ALOX5: variants seen among roughly 807,000 people sequenced by gnomAD.
ALOX5 encodes the protein polyunsaturated fatty acid 5-lipoxygenase.
In ALOX5, 64 loss-of-function variants were observed where a neutral mutation model predicts 87.9. The observed-to-expected ratio is 0.73, with a 90% CI of 0.60 to 0.90. The LOEUF (loss-of-function observed/expected upper bound fraction) is 0.90. Among genes scored for constraint, ALOX5 ranks in the 40% least tolerant of loss-of-function variants. The pLI is 0.00. For missense variants in ALOX5, 822 were observed against 907.5 expected (o/e 0.91, Z 1.21); for synonymous variants, 388 against 355.1 (o/e 1.09, Z -1.04).
At chr10:45,376,856 G>A (rs1839632969) in intron 1 of ALOX5, among the ~76,000 whole-genome samples, 1 of 152,138 alleles carries the variant, frequency 6.6e-6, no homozygotes, top group Admixed American at 6.5e-5. Flanking sequence ...TCCTATAAAC[G>A]GTTGTGTCTT....
chr10:45,415,645 C>G (rs890652920), intron 4 of ALOX5, among the ~76,000 whole-genome samples: 2 of 152,028 alleles, frequency 1.3e-5, no homozygotes, highest in African/African-American at 4.8e-5. Context: ...TGGACTGTGC[C>G]TTTTTCCGAA....
intron 2 of ALOX5, among the ~76,000 whole-genome samples, chr10:45,387,724 G>T (rs1201474076): frequency 1.3e-5 from 2 of 152,254 alleles, no homozygotes; most frequent in Non-Finnish European, 2.9e-5. Context: ...TGCTGAGTGA[G>T]TGGGCAAGAG....
At chr10:45,391,047 C>G (rs1252567329) in intron 2 of ALOX5, among the ~76,000 whole-genome samples, 1 of 121,252 alleles carries the variant, frequency 8.2e-6, no homozygotes, top group Non-Finnish European at 1.7e-5. Context: ...CCCATCTCCC[C>G]TCTCCCCTCT....
intron 7 of ALOX5, among the ~76,000 whole-genome samples, chr10:45,435,408 C>A (rs1186792371): frequency 6.6e-6 from 1 of 152,042 alleles, no homozygotes; most frequent in African/African-American, 2.4e-5. Flanking sequence ...AGTTTTTCAA[C>A]CCTTTCCTCC....
intron 4 of ALOX5, among the ~76,000 whole-genome samples, chr10:45,421,164 CTG>C (rs1841493505): frequency 6.6e-6 from 1 of 152,258 alleles, no homozygotes; most frequent in Non-Finnish European, 1.5e-5. Context: ...TTCCAGTTAT[CTG>C]TAAGGATATA....
At chr10:45,430,440 G>A (rs182719940) in intron 7 of ALOX5, among the ~76,000 whole-genome samples, 2 of 151,906 alleles carry the variant, frequency 1.3e-5, no homozygotes, top group East Asian at 3.9e-4. Flanking sequence ...AAAAAAAAAT[G>A]CAAGATTCGG....
chr10:45,397,144 AG>A (rs1295522781), intron 3 of ALOX5, among the ~76,000 whole-genome samples: 1 of 152,224 alleles, frequency 6.6e-6, no homozygotes, highest in Non-Finnish European at 1.5e-5. Flanking sequence ...GCACTTTGGG[AG>A]GCCAAGGCGG....
intron 1 of ALOX5, among the ~76,000 whole-genome samples, chr10:45,377,761 G>A (rs929989389): frequency 2.6e-5 from 4 of 152,136 alleles, no homozygotes; most frequent in East Asian, 1.9e-4. Flanking sequence ...AGAGAGATCC[G>A]TCTCCCTGTC....
At chr10:45,443,254 C>G in intron 10 of ALOX5, 38 bp downstream of exon 10, 1 of 1,599,268 alleles carries the variant, frequency 6.3e-7, no homozygotes, top group African/African-American at 1.3e-5. Flanking sequence ...GGGGAGGAGC[C>G]GGGACCCCTG....
At chr10:45,385,857 G>A (rs1390079126) in intron 2 of ALOX5, among the ~76,000 whole-genome samples, 2 of 152,104 alleles carry the variant, frequency 1.3e-5, no homozygotes, top group East Asian at 1.9e-4. Context: ...AGTGCTGTCG[G>A]GTGGACAGCT....
intron 7 of ALOX5, among the ~76,000 whole-genome samples, chr10:45,438,832 A>G (rs1842135204): frequency 6.6e-6 from 1 of 152,232 alleles, no homozygotes; most frequent in Non-Finnish European, 1.5e-5. Flanking sequence ...AATCTCAAGT[A>G]TAAACAGACA....
intron 3 of ALOX5, among the ~76,000 whole-genome samples, chr10:45,406,623 G>C (rs984719411): frequency 2.6e-5 from 4 of 152,188 alleles, no homozygotes; most frequent in Non-Finnish European, 4.4e-5. Flanking sequence ...AGCATTTGCT[G>C]TTCTGAGTAG....
intron 7 of ALOX5, among the ~76,000 whole-genome samples, chr10:45,438,328 G>C (rs138121134): frequency 2.6e-5 from 4 of 152,184 alleles, no homozygotes; most frequent in Non-Finnish European, 4.4e-5. Context: ...TGTGTGACTT[G>C]GGAGAGCTGC....
chr10:45,445,499 G>C lies in ALOX5; in HGVS notation c.1846-9G>C, dbSNP rs1031493404. 4.3e-6 allele frequency: 7 copies of C among 1,611,032 alleles called. No homozygotes were observed. The African/African-American group carries it at 9.4e-5, about 22-fold the overall frequency. On this transcript the variant is annotated splice_polypyrimidine_tract_variant and intron_variant, in intron 13 of 13. Transcript: ENST00000374391. The stretch of plus-strand genomic sequence containing the variant: ...TGACCTATGTGTGTGTCCATGTCTG[G>C]GCCCTCAGCTGTTCCTGGGCATGTA...
intron 2 of ALOX5, among the ~76,000 whole-genome samples, chr10:45,389,915 CAAG>C: frequency 6.6e-6 from 1 of 152,334 alleles, no homozygotes; most frequent in South Asian, 2.1e-4. Context: ...GATAAAGAGT[CAAG>C]ACCCATCAGT....
At chr10:45,378,754 T>A (rs534555451) in intron 1 of ALOX5, among the ~76,000 whole-genome samples, 2 of 152,154 alleles carry the variant, frequency 1.3e-5, no homozygotes, top group African/African-American at 4.8e-5. Flanking sequence ...ACTCCCTGAG[T>A]TGGGTCAAGG....
chr10:45,391,172 C>A (rs889192500), intron 2 of ALOX5, among the ~76,000 whole-genome samples: 1 of 151,252 alleles, frequency 6.6e-6, no homozygotes, highest in African/African-American at 2.4e-5. Flanking sequence ...GCTGCCATCT[C>A]GGCTCACTGC....
At chr10:45,415,500 GC>G (rs1841250624) in intron 4 of ALOX5, among the ~76,000 whole-genome samples, 1 of 152,084 alleles carries the variant, frequency 6.6e-6, no homozygotes, top group African/African-American at 2.4e-5. Context: ...AATGGGTGCA[GC>G]ACACCAACAT....
chr10:45,411,693 G>A lies in ALOX5; in HGVS notation c.432-498G>A, dbSNP rs180983889. On this transcript the variant is annotated intron_variant, in intron 3 of 13. Transcript: ENST00000374391. ...CTCCCAGGCCACCTGCTGCCGTGTC[G>A]TCCTATTGTGAAGGCAGAAGAACTG... is the stretch of plus-strand genomic sequence containing the variant. 1.3e-3 allele frequency among the ~76,000 whole-genome samples: 195 copies of A among 152,296 alleles called. 2 individuals are homozygous for A. In the Middle Eastern group the frequency reaches 0.017, roughly 13 times the overall value.
Sources: allele counts gnomAD v4.1 joint callset (sites outside exome capture counted in the v4.1 genomes callset), GRCh38; gene constraint gnomAD v4.1.1; transcripts MANE v1.5; gene names NCBI Gene and HGNC (gene_info 2026-07-23, HGNC 2026-07-21).